The following TFEC variants were observed in gnomAD, a reference collection of about 807,000 sequenced individuals.
TFEC encodes transcription factor EC, also known as class E basic helix-loop-helix protein 34.
In TFEC, 31 loss-of-function variants were observed where a neutral mutation model predicts 41.6. The observed-to-expected ratio is 0.74, with a 90% CI of 0.56 to 1.01. The LOEUF is 1.01. Ranked by LOEUF, TFEC falls within the 50% of genes least tolerant of loss-of-function variation. The pLI is 0.00. For synonymous variants in TFEC, 143 were observed against 140.6 expected (o/e 1.02, Z -0.12); for missense variants, 402 against 404.1 (o/e 0.99, Z 0.04).
intron 3 of TFEC, among the ~76,000 whole-genome samples, chr7:116,038,711 G>A (rs1484963625): frequency 6.6e-6 from 1 of 152,018 alleles, no homozygotes; most frequent in Non-Finnish European, 1.5e-5. Flanking sequence ...TAGCTTCCTA[G>A]AGATTAGAGA....
intron 1 of TFEC, among the ~76,000 whole-genome samples, chr7:116,131,587 G>A (rs1429887707): frequency 2.0e-5 from 3 of 151,998 alleles, no homozygotes; most frequent in Non-Finnish European, 4.4e-5. Context: ...CTCATAGAAA[G>A]AGTCCTCAAA....
At position 116,113,070 on chromosome 7, in the gene TFEC, C is replaced by T. The variant is rs1279339832; in HGVS notation, c.-68-1032G>A. ...GACTCAAGAGAGTATTGCATGAAGA[C>T]AAAAGTCCTTGGTTCATATTCTGAA... On this transcript the variant is annotated intron_variant, in intron 1 of 8. Coordinates refer to the TFEC transcript ENST00000484212. Among the ~76,000 whole-genome samples, 3 of 151,914 alleles carry T rather than the reference C, an allele frequency of 2.0e-5. No individual in the cohort carries two copies. The East Asian group carries it at 5.8e-4, about 29-fold the overall frequency.
chr7:116,081,804 A>G (rs1797096414), intron 3 of TFEC, among the ~76,000 whole-genome samples: 1 of 152,112 alleles, frequency 6.6e-6, no homozygotes. Flanking sequence ...AAGCAACTTA[A>G]TTTGTAGCTT....
intron 3 of TFEC, among the ~76,000 whole-genome samples, chr7:116,095,230 A>C (rs997058420): frequency 7.2e-5 from 11 of 152,240 alleles, no homozygotes; most frequent in Middle Eastern, 6.8e-3. Context: ...TTTTGCCTTA[A>C]CTCACCTTAA....
Position 115,944,013 on chromosome 7 carries a change from A to ATTTTTTT in TFEC, c.516-1980_516-1974dup, listed in dbSNP as rs1160114562. Among the ~76,000 whole-genome samples, 98 of 22,834 alleles carry ATTTTTTT rather than the reference A, an allele frequency of 4.3e-3. 22 individuals are homozygous for ATTTTTTT. The highest frequency in any genetic ancestry group is 9.0e-3 in the African/African-American group (72 of 8,038). 15.0% of individuals were successfully genotyped at this position (22,834 alleles called of 152,430 possible). On this transcript the variant is annotated intron_variant, in intron 6 of 7. Coordinates refer to ENST00000265440, the MANE Select transcript of TFEC (RefSeq NM_012252.4). ...GAAAATAATACTATGACAGGTCTGA[A>ATTTTTTT]TTTTTTTTTTTTTTTTTTTTTTTTT...
intron 1 of TFEC, among the ~76,000 whole-genome samples, chr7:116,010,629 G>C (rs1794965482): frequency 6.6e-6 from 1 of 152,182 alleles, no homozygotes; most frequent in South Asian, 2.1e-4. Flanking sequence ...ACACTTAAGT[G>C]ACAGGTGAGA....
chr7:116,086,833 T>A (rs984284336), intron 3 of TFEC, among the ~76,000 whole-genome samples: 2 of 151,968 alleles, frequency 1.3e-5, no homozygotes, highest in Non-Finnish European at 2.9e-5. Context: ...GGAAATTGTA[T>A]AATTATGCAA....
intron 2 of TFEC, among the ~76,000 whole-genome samples, chr7:115,975,057 T>C (rs540591007): frequency 1.2e-4 from 19 of 152,200 alleles, no homozygotes; most frequent in African/African-American, 3.4e-4. Flanking sequence ...GAGTGAGTGG[T>C]GGAGGAAGGA....
intron 1 of TFEC, among the ~76,000 whole-genome samples, chr7:115,997,477 C>T (rs1011835487): frequency 2.7e-5 from 4 of 149,988 alleles, no homozygotes; most frequent in South Asian, 2.1e-4. Context: ...CTTCCCAAGA[C>T]GGATGGGTAC....
At chr7:116,100,953 T>C (rs527489597) in intron 3 of TFEC, among the ~76,000 whole-genome samples, 14 of 152,236 alleles carry the variant, frequency 9.2e-5, no homozygotes, top group Admixed American at 5.2e-4. Flanking sequence ...TGTTTTTTTT[T>C]CCTTATCTTT....
chr7:115,948,393 A>C (rs937140514), intron 6 of TFEC, among the ~76,000 whole-genome samples: 11 of 152,036 alleles, frequency 7.2e-5, no homozygotes, highest in African/African-American at 1.9e-4. Flanking sequence ...GAGACACAAC[A>C]AAAAAAGAGA....
chr7:116,057,126 A>T (rs1005771604), intron 3 of TFEC, among the ~76,000 whole-genome samples: 1 of 152,120 alleles, frequency 6.6e-6, no homozygotes, highest in Non-Finnish European at 1.5e-5. Flanking sequence ...GCAGAGTAAA[A>T]CAGTAAAAAC....
intron 1 of TFEC, among the ~76,000 whole-genome samples, chr7:116,029,437 G>A (rs1052810084): frequency 6.6e-5 from 10 of 152,040 alleles, no homozygotes; most frequent in East Asian, 3.9e-4. Flanking sequence ...AATAAACTGC[G>A]TACCATTTCA....
chr7:115,939,858 G>A lies in TFEC; in HGVS notation c.*693C>T, dbSNP rs1203480059. 1 of 152,048 alleles carries A rather than the reference G, an allele frequency of 6.6e-6. No individual in the cohort carries two copies. The highest frequency in any genetic ancestry group is 1.5e-5 in the Non-Finnish European group (1 of 67,990). 9.4% of individuals were successfully genotyped at this position (152,048 alleles called of 1,614,324 possible). ...CAATATGTTCCTTTTCCTGAACAGA[G>A]ACTGGAGATATAAATATGCATGGAT... On this transcript the variant is annotated 3_prime_UTR_variant, in exon 8 of 8. Transcript: ENST00000265440.
intron 5 of TFEC, among the ~76,000 whole-genome samples, chr7:115,951,506 G>T (rs1021562380): frequency 6.6e-6 from 1 of 152,020 alleles, no homozygotes; most frequent in African/African-American, 2.4e-5. Context: ...TGATTAGGCT[G>T]TAAATTTATT....
In TFEC at chr7:116,147,735, T is replaced by A. The variant is rs571339546; in HGVS notation, c.-69+12055A>T. On this transcript the variant is annotated intron_variant, in intron 1 of 8. Coordinates refer to the TFEC transcript ENST00000484212. ...TAATGGAAGAGTGGAAAGTAATAAC[T>A]TCAAAGTACTAACAAAAATGTAGCT... Among the ~76,000 whole-genome samples, 4 of 152,264 alleles carry A rather than the reference T, an allele frequency of 2.6e-5. No individual in the cohort carries two copies. The South Asian group carries it at 8.3e-4, about 32-fold the overall frequency.
intron 3 of TFEC, among the ~76,000 whole-genome samples, chr7:116,055,391 T>C (rs914774231): frequency 6.6e-6 from 1 of 151,968 alleles, no homozygotes; most frequent in Admixed American, 6.6e-5. Context: ...GACAAAATCA[T>C]GAAAGATAGG....
At chr7:116,151,377 G>C (rs901587782) in intron 1 of TFEC, among the ~76,000 whole-genome samples, 2 of 151,522 alleles carry the variant, frequency 1.3e-5, no homozygotes, top group Admixed American at 1.3e-4. Flanking sequence ...TGAGTAGTTG[G>C]GGCTACAGGC....
chr7:116,124,310 T>C (rs1036480195), intron 1 of TFEC, among the ~76,000 whole-genome samples: 1 of 152,116 alleles, frequency 6.6e-6, no homozygotes, highest in African/African-American at 2.4e-5. Flanking sequence ...ATTAAACAGG[T>C]AATGAAATGT....
Sources: allele counts gnomAD v4.1 joint callset (sites outside exome capture counted in the v4.1 genomes callset), GRCh38; gene constraint gnomAD v4.1.1; transcripts MANE v1.5; gene names NCBI Gene and HGNC (gene_info 2026-07-23, HGNC 2026-07-21).